PPHLN1: variants seen among roughly 807,000 people sequenced by gnomAD.
PPHLN1 encodes the protein periphilin 1, also known as periphilin-1.
PPHLN1 carries 29 observed loss-of-function variants against 51.3 expected under a neutral mutation model. The ratio of observed to expected loss-of-function variants is 0.57; its 90% confidence interval spans 0.42 to 0.77. The LOEUF (loss-of-function observed/expected upper bound fraction) is 0.77. Among genes scored for constraint, PPHLN1 ranks in the 30% least tolerant of loss-of-function variants. The pLI, the probability that PPHLN1 is intolerant of heterozygous loss-of-function variation, is 0.00. For synonymous variants in PPHLN1, 147 were observed against 147.8 expected, an observed-to-expected ratio of 0.99 and a Z score of 0.04; for missense variants, 436 against 438.4, an observed-to-expected ratio of 0.99 and a Z score of 0.05.
intron 9 of PPHLN1, among the ~76,000 whole-genome samples, chr12:42,400,989 T>A (rs945879278): frequency 1.3e-5 from 2 of 152,208 alleles, no homozygotes; most frequent in African/African-American, 4.8e-5. Context: ...TGCATGTATA[T>A]TTTTAATGAG....
chr12:42,329,777 A>G (rs1261988782), intron 1 of PPHLN1: 1 of 152,084 alleles, frequency 6.6e-6, no homozygotes, highest in Non-Finnish European at 1.5e-5. Flanking sequence ...AGATACCTGG[A>G]TGAAGGGTGG....
intron 4 of PPHLN1, among the ~76,000 whole-genome samples, chr12:42,362,063 T>G (rs1399232959): frequency 6.6e-6 from 1 of 152,240 alleles, no homozygotes; most frequent in African/African-American, 2.4e-5. Flanking sequence ...TGTTTGTGTC[T>G]GTATGTGTGT....
chr12:42,360,639 C>G (rs189445048), intron 4 of PPHLN1, among the ~76,000 whole-genome samples: 1 of 151,592 alleles, frequency 6.6e-6, no homozygotes, highest in African/African-American at 2.4e-5. Flanking sequence ...GGACTACAGG[C>G]GTGTGCCACC....
At chr12:42,440,718 C>T (rs1319439515) in intron 9 of PPHLN1, among the ~76,000 whole-genome samples, 2 of 152,204 alleles carry the variant, frequency 1.3e-5, no homozygotes, top group Non-Finnish European at 2.9e-5. Context: ...GCTGGGGTTA[C>T]AGACACGCGC....
At chr12:42,364,034 G>A (rs1221659157) in intron 4 of PPHLN1, among the ~76,000 whole-genome samples, 2 of 151,976 alleles carry the variant, frequency 1.3e-5, no homozygotes, top group Non-Finnish European at 2.9e-5. Flanking sequence ...GACCAGCCTG[G>A]CCAACATGGC....
At chr12:42,364,912 G>A (rs752324387) in intron 4 of PPHLN1, among the ~76,000 whole-genome samples, 7 of 152,100 alleles carry the variant, frequency 4.6e-5, no homozygotes, top group African/African-American at 1.4e-4. Context: ...GGGAGACTCC[G>A]CCTTAAAAAA....
chr12:42,413,520 ATGTATATGTG>A (rs1489550027), intron 9 of PPHLN1, among the ~76,000 whole-genome samples: 18 of 128,126 alleles, frequency 1.4e-4, no homozygotes, highest in African/African-American at 5.2e-4. Context: ...AACTATATAT[ATGTATATGTG>A]TGTGTGTGTG....
chr12:42,389,770 G>A (rs1227371450), intron 7 of PPHLN1, among the ~76,000 whole-genome samples: 1 of 152,110 alleles, frequency 6.6e-6, no homozygotes, highest in Non-Finnish European at 1.5e-5. Flanking sequence ...CTTTTATTTG[G>A]GGAGTTGGGA....
chr12:42,382,229 T>C (rs746473011), intron 5 of PPHLN1, among the ~76,000 whole-genome samples: 2 of 152,240 alleles, frequency 1.3e-5, no homozygotes, highest in African/African-American at 4.8e-5. Flanking sequence ...GAGTGTGTTG[T>C]GTAATGTTAA....
chr12:42,417,778 C>T (rs1227290424), intron 9 of PPHLN1, among the ~76,000 whole-genome samples: 1 of 151,444 alleles, frequency 6.6e-6, no homozygotes, highest in Non-Finnish European at 1.5e-5. Context: ...CCAAGAAGTT[C>T]GACCAGTTCT....
intron 2 of PPHLN1, chr12:42,350,384 G>C: frequency 1.3e-5 from 2 of 157,316 alleles, no homozygotes; most frequent in Non-Finnish European, 1.4e-5. Flanking sequence ...CAGGCAGAGG[G>C]GCTCCTCACA....
At chr12:42,411,298 T>C (rs989981514) in intron 9 of PPHLN1, among the ~76,000 whole-genome samples, 10 of 152,044 alleles carry the variant, frequency 6.6e-5, no homozygotes, top group Non-Finnish European at 1.5e-4. Flanking sequence ...CTTTTAGTTA[T>C]TTGGATGAAT....
chr12:42,415,139 C>T (rs966465049), intron 9 of PPHLN1, among the ~76,000 whole-genome samples: 5 of 152,170 alleles, frequency 3.3e-5, no homozygotes, highest in African/African-American at 1.2e-4. Context: ...CTTAAGACCA[C>T]AGGCCAAAAT....
intron 4 of PPHLN1, among the ~76,000 whole-genome samples, chr12:42,358,273 G>A (rs1381319640): frequency 3.9e-5 from 6 of 151,988 alleles, no homozygotes; most frequent in Non-Finnish European, 8.8e-5. Context: ...TTACATAAAT[G>A]AAATAAAAAC....
At chr12:42,422,967 C>A (rs1177896043) in intron 9 of PPHLN1, among the ~76,000 whole-genome samples, 2 of 152,096 alleles carry the variant, frequency 1.3e-5, no homozygotes, top group Admixed American at 6.5e-5. Context: ...AACTAACACC[C>A]GGTATTTACC....
intron 9 of PPHLN1, among the ~76,000 whole-genome samples, chr12:42,411,189 A>C (rs1056918413): frequency 6.6e-6 from 1 of 151,842 alleles, no homozygotes; most frequent in Non-Finnish European, 1.5e-5. Context: ...GTGAAAGACT[A>C]TCTCTAAGTC....
chr12:42,375,403 C>T (rs1374358927), intron 5 of PPHLN1: 1 of 174,736 alleles, frequency 5.7e-6, no homozygotes, highest in East Asian at 1.6e-4. Flanking sequence ...TCTCCGCCTC[C>T]CGGATTCAAG....
At chr12:42,334,884 G>A (rs949401718) in intron 1 of PPHLN1, among the ~76,000 whole-genome samples, 4 of 152,158 alleles carry the variant, frequency 2.6e-5, no homozygotes, top group Non-Finnish European at 5.9e-5. Flanking sequence ...TGTAAATCCA[G>A]TTTACACACT....
At position 42,429,190 on chromosome 12, in the gene PPHLN1, C is replaced by T. The variant is rs12579112; in HGVS notation, c.910-12125C>T. 6.0e-3 allele frequency among the ~76,000 whole-genome samples: 915 copies of T among 152,076 alleles called. 35 individuals are homozygous for T. In the East Asian group the frequency reaches 0.085, roughly 14 times the overall value. On this transcript the variant is annotated intron_variant, in intron 9 of 9. Transcript: ENST00000358314. ...GTTTTGCATCTTAGAAATTCTTTTC[C>T]CAAGCCAGTAATTGACATTGAATAC...
Sources: allele counts gnomAD v4.1 joint callset (sites outside exome capture counted in the v4.1 genomes callset), GRCh38; gene constraint gnomAD v4.1.1; transcripts MANE v1.5; gene names NCBI Gene and HGNC (gene_info 2026-07-23, HGNC 2026-07-21).